SLC60A2: variants seen among roughly 807,000 people sequenced by gnomAD.
SLC60A2 encodes the protein major facilitator superfamily domain containing 4B.
chr6:111,260,098 A>G, the SLC60A2 span, among the ~76,000 whole-genome samples: 1 of 151,946 alleles, frequency 6.6e-6, no homozygotes, highest in African/African-American at 2.4e-5. Context: ...TTTAGTAGAG[A>G]CGGGGCTTCG....
At chr6:111,277,489 T>G in the SLC60A2 span, among the ~76,000 whole-genome samples, 1 of 152,202 alleles carries the variant, frequency 6.6e-6, no homozygotes, top group Non-Finnish European at 1.5e-5. Context: ...ATTTCAGTTA[T>G]CTAACAGATA....
At chr6:111,266,766 C>A in the SLC60A2 span, 1 of 1,614,100 alleles carries the variant, frequency 6.2e-7, no homozygotes, top group Non-Finnish European at 8.5e-7. Context: ...TATTTTATTT[C>A]CTGTGCTATA....
chr6:111,267,646 C>T, the SLC60A2 span: 1 of 152,310 alleles, frequency 6.6e-6, no homozygotes, highest in Non-Finnish European at 1.5e-5. Context: ...ACAGTGAAAC[C>T]CTGTCTCTAC....
chr6:111,264,920 C>T, the SLC60A2 span, among the ~76,000 whole-genome samples: 2 of 151,946 alleles, frequency 1.3e-5, no homozygotes, highest in Non-Finnish European at 1.5e-5. Flanking sequence ...ATGGAGAAAC[C>T]GCGTCTCTAC....
chr6:111,268,910 T>C, the SLC60A2 span: 3 of 152,322 alleles, frequency 2.0e-5, no homozygotes, highest in East Asian at 3.9e-4. Flanking sequence ...TTGGTGCAGG[T>C]GATCCTTTGA....
chr6:111,279,817 G>A, the SLC60A2 span, among the ~76,000 whole-genome samples: 1 of 151,816 alleles, frequency 6.6e-6, no homozygotes, highest in Non-Finnish European at 1.5e-5. Context: ...GCTCACACCT[G>A]TAATCTCAGT....
the SLC60A2 span, chr6:111,262,559 G>A: frequency 3.9e-6 from 3 of 769,080 alleles, no homozygotes; most frequent in Non-Finnish European, 6.5e-6. Flanking sequence ...CTCAATGGCA[G>A]TTGAGTTTCC....
the SLC60A2 span, chr6:111,259,781 G>T: frequency 1.3e-6 from 2 of 1,522,322 alleles, no homozygotes; most frequent in Non-Finnish European, 8.8e-7. Context: ...TCTTGCCTTC[G>T]CCACTTGCAA....
At chr6:111,270,959 A>G in the SLC60A2 span, 13 of 152,180 alleles carry the variant, frequency 8.5e-5, no homozygotes, top group Non-Finnish European at 1.9e-4. Flanking sequence ...TAGCCAGGCC[A>G]ACAGATCTCA....
the SLC60A2 span, among the ~76,000 whole-genome samples, chr6:111,272,901 G>A: frequency 3.3e-5 from 5 of 151,790 alleles, no homozygotes; most frequent in South Asian, 1.0e-3. Flanking sequence ...CACAATTCCG[G>A]CTCACTGCAA....
the SLC60A2 span, chr6:111,268,877 T>G: frequency 6.6e-6 from 1 of 152,142 alleles, no homozygotes; most frequent in Admixed American, 6.6e-5. Context: ...TCAGAAAGGG[T>G]ACTTCATATA....
At chr6:111,273,964 C>T in the SLC60A2 span, among the ~76,000 whole-genome samples, 1 of 152,032 alleles carries the variant, frequency 6.6e-6, no homozygotes, top group Non-Finnish European at 1.5e-5. Context: ...AAGTGATCTT[C>T]CCACCTTGAC....
chr6:111,266,108 A>T, the SLC60A2 span: 37,098 of 1,614,074 alleles, frequency 0.023, 493 homozygotes, highest in Non-Finnish European at 0.027. Flanking sequence ...ATAAGAATTT[A>T]CTGTGGGCTT....
the SLC60A2 span, among the ~76,000 whole-genome samples, chr6:111,275,648 T>C: frequency 5.9e-3 from 892 of 152,212 alleles, 23 homozygotes; most frequent in Admixed American, 0.038. Flanking sequence ...GACCTTGTGA[T>C]CCACCCACCT....
chr6:111,259,848 A>G, the SLC60A2 span: 2 of 734,210 alleles, frequency 2.7e-6, no homozygotes, highest in African/African-American at 1.9e-5. Flanking sequence ...CATCTAGAAA[A>G]TGGGCACAAT....
the SLC60A2 span, among the ~76,000 whole-genome samples, chr6:111,271,445 TAAGTA>T: frequency 2.0e-5 from 3 of 152,042 alleles, no homozygotes; most frequent in Non-Finnish European, 2.9e-5. Context: ...TCAAATTTCC[TAAGTA>T]AAGGGTAAAA....
the SLC60A2 span, chr6:111,262,419 C>T: frequency 1.9e-6 from 3 of 1,611,120 alleles, no homozygotes; most frequent in African/African-American, 2.7e-5. Context: ...TTATTTTTTA[C>T]TTTTGGGTAA....
the SLC60A2 span, among the ~76,000 whole-genome samples, chr6:111,271,775 TAAAAAAAAAAAAAAAAAAA>T: frequency 5.3e-5 from 1 of 18,836 alleles, no homozygotes; most frequent in Non-Finnish European, 9.4e-5. Context: ...CCATCTCTAC[TAAAAAAAAAAAAAAAAAAA>T]AAAAAAAAAA....
the SLC60A2 span, chr6:111,265,263 T>C: frequency 1.0e-6 from 1 of 976,394 alleles, no homozygotes; most frequent in African/African-American, 1.8e-5. Flanking sequence ...TGAAAATATC[T>C]GTTGAAAAAA....
Sources: allele counts gnomAD v4.1 joint callset (sites outside exome capture counted in the v4.1 genomes callset), GRCh38; gene constraint gnomAD v4.1.1; transcripts MANE v1.5; gene names NCBI Gene and HGNC (gene_info 2026-07-23, HGNC 2026-07-21).